Variants in SNTG2 observed in about 807,000 individuals in gnomAD.
The protein encoded by SNTG2 is syntrophin gamma 2.
Under a neutral mutation model 70.9 loss-of-function variants are expected in SNTG2, and 74 were observed. The observed-to-expected ratio is 1.04, with a 90% confidence interval of 0.86 to 1.27. The LOEUF (loss-of-function observed/expected upper bound fraction) is 1.27, where lower values mean the gene tolerates loss of function less well. Among genes scored for constraint, SNTG2 ranks in the 50% most tolerant of loss-of-function variants. The pLI is 0.00. For synonymous variants in SNTG2, 278 were observed against 273.8 expected, an observed-to-expected ratio of 1.02 and a Z score of -0.15; for missense variants, 717 against 690.7, an observed-to-expected ratio of 1.04 and a Z score of -0.43.
intron 6 of SNTG2, among the ~76,000 whole-genome samples, chr2:1,138,774 C>CA (rs1668563283): frequency 6.6e-6 from 1 of 152,180 alleles, no homozygotes; most frequent in East Asian, 1.9e-4. Flanking sequence ...GATTAATAGG[C>CA]ATGCACTCAT....
intron 2 of SNTG2, among the ~76,000 whole-genome samples, chr2:1,086,071 A>G (rs1398230198): frequency 1.3e-5 from 2 of 152,250 alleles, no homozygotes; most frequent in African/African-American, 4.8e-5. Context: ...TAGTTAAGAC[A>G]GCAATGGGCA....
intron 11 of SNTG2, among the ~76,000 whole-genome samples, chr2:1,244,918 G>T (rs948439542): frequency 5.1e-4 from 78 of 152,110 alleles, no homozygotes; most frequent in African/African-American, 1.8e-3. Context: ...ATCATTGTTT[G>T]TGAAACCTCG....
At chr2:1,321,404 T>C (rs1681513425) in intron 16 of SNTG2, among the ~76,000 whole-genome samples, 3 of 152,148 alleles carry the variant, frequency 2.0e-5, no homozygotes, top group African/African-American at 7.2e-5. Context: ...CTGCCATCAA[T>C]GAGTCAGCCG....
chr2:1,228,254 A>G (rs1420682123), intron 9 of SNTG2, among the ~76,000 whole-genome samples: 1 of 152,200 alleles, frequency 6.6e-6, no homozygotes, highest in African/African-American at 2.4e-5. Flanking sequence ...GTGTGCTTAA[A>G]ATGTGGCTTT....
At chr2:1,347,020 T>G (rs1660325206) in intron 16 of SNTG2, among the ~76,000 whole-genome samples, 1 of 151,718 alleles carries the variant, frequency 6.6e-6, no homozygotes, top group African/African-American at 2.4e-5. Context: ...AAAAAAAATC[T>G]GTTCAAGGGG....
At chr2:1,105,092 A>T (rs777296762) in intron 4 of SNTG2, among the ~76,000 whole-genome samples, 5 of 152,114 alleles carry the variant, frequency 3.3e-5, no homozygotes, top group African/African-American at 1.2e-4. Context: ...GAGTTGTTGG[A>T]CAGCCTTTTG....
intron 7 of SNTG2, among the ~76,000 whole-genome samples, chr2:1,166,524 G>A (rs968104863): frequency 2.6e-5 from 4 of 152,072 alleles, no homozygotes; most frequent in African/African-American, 4.8e-5. Flanking sequence ...CTCCTGCCCC[G>A]AGTGGCCCGG....
intron 9 of SNTG2, among the ~76,000 whole-genome samples, chr2:1,223,496 C>T (rs1433403487): frequency 1.3e-5 from 2 of 152,252 alleles, no homozygotes; most frequent in South Asian, 2.1e-4. Context: ...CCTGGGATCC[C>T]TGTGCTCCTA....
chr2:1,206,882 G>A (rs545362171), intron 8 of SNTG2, among the ~76,000 whole-genome samples: 3 of 152,278 alleles, frequency 2.0e-5, no homozygotes, highest in Admixed American at 6.5e-5. Flanking sequence ...GCAATTTTAA[G>A]TGGTGGTTTT....
At chr2:1,285,423 A>G (rs1032315211) in intron 14 of SNTG2, among the ~76,000 whole-genome samples, 7 of 152,336 alleles carry the variant, frequency 4.6e-5, no homozygotes, top group African/African-American at 1.2e-4. Flanking sequence ...ATAATCTTCA[A>G]ATAAAGACAA....
At chr2:1,169,637 C>T (rs910565839) in intron 7 of SNTG2, among the ~76,000 whole-genome samples, 6 of 152,248 alleles carry the variant, frequency 3.9e-5, no homozygotes, top group Admixed American at 2.0e-4. Flanking sequence ...GACTTCTGTC[C>T]GTGGGCTCCA....
intron 1 of SNTG2, among the ~76,000 whole-genome samples, chr2:969,545 T>G (rs891946362): frequency 2.6e-5 from 4 of 152,222 alleles, no homozygotes; most frequent in African/African-American, 9.6e-5. Context: ...CTTTCAACAG[T>G]GTTATCTAAT....
chr2:1,183,583 G>A (rs943450557), intron 8 of SNTG2, among the ~76,000 whole-genome samples: 2 of 152,138 alleles, frequency 1.3e-5, no homozygotes, highest in East Asian at 1.9e-4. Flanking sequence ...TCAACACGAT[G>A]GCAAAACAGC....
chr2:1,226,129 A>G lies in SNTG2; in HGVS notation c.720-11759A>G, dbSNP rs373222895. 9.8e-5 allele frequency among the ~76,000 whole-genome samples: 15 copies of G among 152,356 alleles called. No individual in the cohort carries two copies. The East Asian group carries it at 1.3e-3, about 14-fold the overall frequency. On this transcript the variant is annotated intron_variant, in intron 9 of 16. Coordinates refer to ENST00000308624, the MANE Select transcript of SNTG2 (RefSeq NM_018968.4). Reference sequence around the variant, plus strand: ...ATTCTATTGACCAATACCAAATTCTACTGGTTTATAACCATTGATTTTGAT... The same window carrying G: ...ATTCTATTGACCAATACCAAATTCTGCTGGTTTATAACCATTGATTTTGAT...
At chr2:1,026,193 C>T (rs2148022273) in intron 1 of SNTG2, among the ~76,000 whole-genome samples, 1 of 152,268 alleles carries the variant, frequency 6.6e-6, no homozygotes. Flanking sequence ...TCCCAGTGCT[C>T]CAACACCAGA....
chr2:1,306,915 C>T (rs1048257960), intron 14 of SNTG2, among the ~76,000 whole-genome samples: 7 of 150,916 alleles, frequency 4.6e-5, no homozygotes, highest in South Asian at 2.1e-4. Flanking sequence ...TGTGTGTGTG[C>T]GTGTGTAAGC....
intron 2 of SNTG2, among the ~76,000 whole-genome samples, chr2:1,088,350 C>T (rs889560431): frequency 7.9e-5 from 12 of 152,164 alleles, no homozygotes; most frequent in African/African-American, 2.9e-4. Flanking sequence ...TCTTCATGCA[C>T]TGAGTCAGCT....
At chr2:1,100,922 G>A (rs1292442089) in intron 4 of SNTG2, among the ~76,000 whole-genome samples, 2 of 151,730 alleles carry the variant, frequency 1.3e-5, no homozygotes, top group African/African-American at 4.8e-5. Flanking sequence ...TACACTCCCT[G>A]GAGTGTGAAC....
chr2:979,578 C>T (rs1159381871), intron 1 of SNTG2, among the ~76,000 whole-genome samples: 1 of 152,150 alleles, frequency 6.6e-6, no homozygotes, highest in African/African-American at 2.4e-5. Flanking sequence ...GTGTCCTAAA[C>T]TCGCCCCGTG....
Sources: allele counts gnomAD v4.1 joint callset (sites outside exome capture counted in the v4.1 genomes callset), GRCh38; gene constraint gnomAD v4.1.1; transcripts MANE v1.5; gene names NCBI Gene and HGNC (gene_info 2026-07-23, HGNC 2026-07-21).